The following NTAN1 variants were observed in gnomAD, a reference collection of about 807,000 sequenced individuals.
NTAN1 encodes protein N-terminal asparagine amidohydrolase.
A neutral mutation model predicts 41.9 loss-of-function variants in NTAN1; 32 were observed. The observed-to-expected ratio is 0.76, with a 90% CI of 0.58 to 1.03. NTAN1 has a LOEUF of 1.03. NTAN1 is among the 50% of genes least tolerant of loss of function. NTAN1 has a pLI of 0.00. For synonymous variants in NTAN1, 140 were observed against 139.5 expected (o/e 1.00, Z -0.03); for missense variants, 377 against 377.5 (o/e 1.00, Z 0.01).
intron 1 of NTAN1, among the ~76,000 whole-genome samples, chr16:15,048,800 T>C (rs1048492718): frequency 6.6e-6 from 1 of 151,924 alleles, no homozygotes; most frequent in South Asian, 2.1e-4. Flanking sequence ...AGTTTTATAC[T>C]TTTTGTAGCG....
intron 8 of NTAN1, 71 bp downstream of exon 8, chr16:15,039,898 A>C (rs1019469083): frequency 6.9e-6 from 6 of 872,800 alleles, no homozygotes; most frequent in African/African-American, 6.7e-5. Flanking sequence ...CTAAGATCCC[A>C]AAAACTTAAG....
chr16:15,040,985 A>C, intron 7 of NTAN1, 83 bp downstream of exon 7: 1 of 913,446 alleles, frequency 1.1e-6, no homozygotes. Context: ...TCCTGACAGC[A>C]GTGGGGTCAT....
chr16:15,055,661 G>A lies in NTAN1; in HGVS notation c.81+230C>T, dbSNP rs532538302. 61 of 359,562 alleles carry A rather than the reference G, an allele frequency of 1.7e-4. No individual in the cohort carries two copies. In the East Asian group the frequency reaches 2.3e-3, roughly 14 times the overall value. The allele number at this position is 359,562 out of a possible 1,614,324, so 22.3% of individuals were successfully genotyped here. Reference sequence around the variant, plus strand: ...CTTGGGCAAGTCACCTAACCTCTCTGGGCCCCCGTCCCCTCCCTTGTCAGA... The same window carrying A: ...CTTGGGCAAGTCACCTAACCTCTCTAGGCCCCCGTCCCCTCCCTTGTCAGA... On this transcript the variant is annotated intron_variant, in intron 1 of 9. Coordinates refer to ENST00000287706, the MANE Select transcript of NTAN1 (RefSeq NM_173474.4).
At position 15,038,681 on chromosome 16, in the gene NTAN1, T is replaced by TA; in HGVS notation, c.645dup (p.Ser216Ter). The TA allele has an allele frequency of 6.5e-7, 1 of 1,546,228 alleles. No homozygotes were observed. The highest frequency in any genetic ancestry group is 8.9e-7 in the Non-Finnish European group (1 of 1,124,026). ...TGTTCTGTCTCTGCATCATAAATGC[T>TA]AATCATCTAAAAAAGAACGTGTCAA... On this transcript the variant is annotated frameshift_variant, in exon 9 of 10. Coordinates refer to ENST00000287706, the MANE Select transcript of NTAN1 (RefSeq NM_173474.4). LOFTEE classifies it high-confidence loss of function.
chr16:15,038,681 T>C lies in NTAN1; in HGVS notation c.646A>G (p.Ser216Gly). 1 of 1,546,228 alleles carries C rather than the reference T, an allele frequency of 6.5e-7. No homozygotes were observed. Among genetic ancestry groups the C allele is most frequent in the Non-Finnish European group, 8.9e-7 (1 of 1,124,026 alleles). The change falls in exon 9 of 10, where the codon AGC (serine) becomes GGC (glycine). Residue 216 changes from serine to glycine, a missense_variant. Transcript: ENST00000287706. ...ARTLAGGPMI[S>G]IYDAETEQLR... ...TGTTCTGTCTCTGCATCATAAATGC[T>C]AATCATCTAAAAAAGAACGTGTCAA...
At chr16:15,050,334 G>C (rs1176855378) in intron 1 of NTAN1, among the ~76,000 whole-genome samples, 1 of 152,196 alleles carries the variant, frequency 6.6e-6, no homozygotes, top group African/African-American at 2.4e-5. Context: ...GACAACGTAT[G>C]TATGTATTGC....
chr16:15,040,686 T>C (rs1372962109), intron 7 of NTAN1, among the ~76,000 whole-genome samples: 1 of 152,086 alleles, frequency 6.6e-6, no homozygotes, highest in Admixed American at 6.6e-5. Flanking sequence ...TCCTGATGTA[T>C]AAAAGGATTC....
In NTAN1 at chr16:15,048,080, C is replaced by G. The variant is rs2044147836; in HGVS notation, c.101G>C (p.Arg34Thr). 2 of 1,605,634 alleles carry G rather than the reference C, an allele frequency of 1.2e-6. No individual in the cohort carries two copies. Among genetic ancestry groups the G allele is most frequent in the Non-Finnish European group, 1.7e-6 (2 of 1,173,458 alleles). ...TCCCACTTGTTGAACAGACTGACCTCTGAGAAGTCTGGCTCTTTCCTGTTT... is the reference window on the plus strand; with the variant it reads ...TCCCACTTGTTGAACAGACTGACCTGTGAGAAGTCTGGCTCTTTCCTGTTT... ...PPLEERARLLRGQSVQQVGPQ... is the reference protein window; with the variant it reads ...PPLEERARLLTGQSVQQVGPQ... The change falls in exon 2 of 10, where the codon AGA becomes ACA. Residue 34 changes from arginine to threonine, a missense_variant. By Grantham distance (71) the Arg-to-Thr change is moderately conservative. Transcript: ENST00000287706.
Position 15,056,070 on chromosome 16 carries a change from G to T in NTAN1, c.-99C>A. 2.7e-6 allele frequency: 1 copy of T among 367,830 alleles called. No individual in the cohort carries two copies. 22.8% of individuals were successfully genotyped at this position (367,830 alleles called of 1,614,324 possible). A position where few individuals can be genotyped will look rare whatever the true frequency, so the allele number is the denominator to read the frequency against. Reference sequence around the variant, plus strand: ...CCCCGCCCCTCGGGCCGCGCGTCCCGCCTCGTCCTGCCCCGCCCCACCGCG... The same window carrying T: ...CCCCGCCCCTCGGGCCGCGCGTCCCTCCTCGTCCTGCCCCGCCCCACCGCG... On this transcript the variant is annotated 5_prime_UTR_variant, in exon 1 of 10. Coordinates refer to ENST00000287706, the MANE Select transcript of NTAN1 (RefSeq NM_173474.4).
rs772697379 is a variant in NTAN1, at chr16:15,038,025, T to C, written c.*6A>G. On this transcript the variant is annotated 3_prime_UTR_variant, in exon 10 of 10. Transcript: ENST00000287706. ...AGAAGGTGCTTTCTTTGGTAATTCA[T>C]GTTTTTTAACTTCCTGGAGAAGAGA... 7 of 1,607,848 alleles carry C rather than the reference T, an allele frequency of 4.4e-6. No homozygotes were observed. The highest frequency in any genetic ancestry group is 5.9e-6 in the Non-Finnish European group (7 of 1,177,176).
At position 15,055,984 on chromosome 16, in the gene NTAN1, CGCCCAGGCAG is replaced by C. The variant is rs1412875965; in HGVS notation, c.-23_-14del. 144 of 1,214,372 alleles carry C rather than the reference CGCCCAGGCAG, an allele frequency of 1.2e-4. 2 individuals are homozygous for C. The East Asian group carries it at 4.5e-3, about 38-fold the overall frequency. The allele number at this position is 1,214,372 out of a possible 1,614,324, so 75.2% of individuals were successfully genotyped here. ...CGAGCAGCGGCATCGCGGAGGCGGC[CGCCCAGGCAG>C]GCCCAGGGAGGCGGCGGCCCCCCGC... On this transcript the variant is annotated 5_prime_UTR_variant, in exon 1 of 10. Coordinates refer to ENST00000287706, the MANE Select transcript of NTAN1 (RefSeq NM_173474.4).
intron 1 of NTAN1, among the ~76,000 whole-genome samples, chr16:15,052,434 GA>G (rs2044330780): frequency 6.6e-6 from 1 of 152,194 alleles, no homozygotes; most frequent in Non-Finnish European, 1.5e-5. Flanking sequence ...TGACCTGGGG[GA>G]TGATCATGTG....
chr16:15,055,822 G>T (rs368851607), intron 1 of NTAN1, 69 bp downstream of exon 1: 3 of 839,912 alleles, frequency 3.6e-6, no homozygotes, highest in Non-Finnish European at 4.8e-6. Context: ...GTCGCGTGAG[G>T]GGGGCGCTAG....
intron 5 of NTAN1, among the ~76,000 whole-genome samples, chr16:15,043,575 C>T (rs2043920249): frequency 2.6e-5 from 4 of 152,294 alleles, no homozygotes; most frequent in Admixed American, 2.0e-4. Flanking sequence ...CAGGCTGTAC[C>T]ATCATATGAG....
intron 5 of NTAN1, among the ~76,000 whole-genome samples, chr16:15,042,217 GCT>G (rs200350090): frequency 0.01 from 1,306 of 127,998 alleles, 81 homozygotes; most frequent in Admixed American, 0.1. Flanking sequence ...ATGGAGTCTT[GCT>G]CTGTCACCCA....
chr16:15,044,248 T>C (rs2043951798), intron 5 of NTAN1, 86 bp downstream of exon 5: 1 of 887,400 alleles, frequency 1.1e-6, no homozygotes, highest in Admixed American at 1.9e-5. Context: ...TTCTTGGGTT[T>C]TGTACCAATT....
intron 6 of NTAN1, 66 bp from the exon 7 acceptor site, chr16:15,041,187 A>G: frequency 2.8e-6 from 3 of 1,073,456 alleles, no homozygotes; most frequent in Middle Eastern, 2.0e-4. Context: ...TTTACTTTGT[A>G]TAATAAAGGC....
chr16:15,056,007 G>T lies in NTAN1; in HGVS notation c.-36C>A, dbSNP rs1258751180. 2.6e-6 allele frequency: 3 copies of T among 1,138,954 alleles called. No homozygotes were observed. Among genetic ancestry groups the T allele is most frequent in the Admixed American group, 9.1e-5 (2 of 21,994 alleles). The allele number at this position is 1,138,954 out of a possible 1,614,324, so 70.6% of individuals were successfully genotyped here. A position where few individuals can be genotyped will look rare whatever the true frequency, so the allele number is the denominator to read the frequency against. ...GCCGCCCAGGCAGGCCCAGGGAGGCGGCGGCCCCCCGCTTTGCAGCCCCGG... is the reference window on the plus strand; with the variant it reads ...GCCGCCCAGGCAGGCCCAGGGAGGCTGCGGCCCCCCGCTTTGCAGCCCCGG... On this transcript the variant is annotated 5_prime_UTR_variant, in exon 1 of 10. Transcript: ENST00000287706.
chr16:15,040,266 C>T (rs567036399), intron 7 of NTAN1, 200 bp from the exon 8 acceptor site: 7 of 432,922 alleles, frequency 1.6e-5, no homozygotes, highest in South Asian at 5.7e-5. Context: ...CGCTGAGGCT[C>T]GAGCTGGACT....
Sources: gnomAD v4.1 joint callset for allele counts (sites outside exome capture counted in the v4.1 genomes callset) on GRCh38, gnomAD v4.1.1 for gene constraint, MANE v1.5 for transcripts, NCBI Gene and HGNC (gene_info 2026-07-23, HGNC 2026-07-21) for gene names.